The following FGF12 variants were observed in gnomAD, a reference collection of about 807,000 sequenced individuals.
FGF12 encodes fibroblast growth factor 12.
A neutral mutation model predicts 23.6 loss-of-function variants in FGF12; 14 were observed. The ratio of observed to expected loss-of-function variants is 0.59; its 90% CI spans 0.39 to 0.93. The LOEUF is 0.93. Among genes scored for constraint, FGF12 ranks in the 40% least tolerant of loss-of-function variants. FGF12 has a pLI of 0.00. For synonymous variants in FGF12, 62 were observed against 77.3 expected (o/e 0.80, Z 1.04); for missense variants, 175 against 217.8 (o/e 0.80, Z 1.24).
At chr3:192,435,508 C>G (rs1721995353) in intron 2 of FGF12, among the ~76,000 whole-genome samples, 1 of 152,156 alleles carries the variant, frequency 6.6e-6, no homozygotes, top group Admixed American at 6.5e-5. Flanking sequence ...AGTTGGCGAT[C>G]CATTTTGACC....
At position 192,408,530 on chromosome 3, in the gene FGF12, G is replaced by A. The variant is rs1721062505; in HGVS notation, c.14-47992C>T. 2.5e-6 allele frequency: 3 copies of A among 1,196,638 alleles called. No homozygotes were observed. Among genetic ancestry groups the A allele is most frequent in the African/African-American group, 3.2e-5 (2 of 63,268 alleles). The allele number at this position is 1,196,638 out of a possible 1,614,324, so 74.1% of individuals were successfully genotyped here. On this transcript the variant is annotated intron_variant, in intron 2 of 5. Coordinates refer to ENST00000445105, the MANE Select transcript of FGF12 (RefSeq NM_004113.6). This position sits in a 1 kb window ranked among gnomAD's most constrained non-coding sequence, Gnocchi z 7.3. ...TTTGCACCCCAAACTTGCACCCCAAGGCGATCGGCGTCCAAGGGGCAGTGG... is the reference window on the plus strand; with the variant it reads ...TTTGCACCCCAAACTTGCACCCCAAAGCGATCGGCGTCCAAGGGGCAGTGG...
intron 3 of FGF12, among the ~76,000 whole-genome samples, chr3:192,347,301 T>A (rs1441410895): frequency 1.3e-5 from 2 of 152,158 alleles, no homozygotes; most frequent in Non-Finnish European, 2.9e-5. Flanking sequence ...ATCACCATCA[T>A]CTGGAGCTTG....
At chr3:192,618,837 A>G (rs1283062004) in intron 2 of FGF12, among the ~76,000 whole-genome samples, 1 of 152,026 alleles carries the variant, frequency 6.6e-6, no homozygotes, top group Non-Finnish European at 1.5e-5. Flanking sequence ...GCCTTAAATT[A>G]GCAAACGTTC....
chr3:192,490,583 T>G (rs1723773323), intron 2 of FGF12, among the ~76,000 whole-genome samples: 1 of 151,946 alleles, frequency 6.6e-6, no homozygotes, highest in South Asian at 2.1e-4. Context: ...ATATATATAT[T>G]TACCAAAAAG....
intron 2 of FGF12, among the ~76,000 whole-genome samples, chr3:192,550,134 T>C (rs952502570): frequency 1.3e-5 from 2 of 151,590 alleles, no homozygotes; most frequent in African/African-American, 2.4e-5. Flanking sequence ...ATTACACATA[T>C]AGAAAAAAGG....
chr3:192,158,332 C>CTTTCGTTCTTTCTTTCT (rs1459698854), intron 5 of FGF12, among the ~76,000 whole-genome samples: 1 of 112,356 alleles, frequency 8.9e-6, no homozygotes, highest in Admixed American at 9.4e-5. Context: ...TTCTTTCTTT[C>CTTTCGTTCTTTCTTTCT]TCTTTCTTTC....
intron 4 of FGF12, among the ~76,000 whole-genome samples, chr3:192,332,031 A>G (rs1015204278): frequency 2.0e-5 from 3 of 152,160 alleles, no homozygotes; most frequent in African/African-American, 7.2e-5. Flanking sequence ...GTGAAATCAG[A>G]GACCAAATTT....
chr3:192,190,180 T>C (rs1388805956), intron 4 of FGF12, among the ~76,000 whole-genome samples: 1 of 152,144 alleles, frequency 6.6e-6, no homozygotes, highest in African/African-American at 2.4e-5. Flanking sequence ...TCAAACACAG[T>C]GGTCAAAGCT....
At chr3:192,457,630 G>A (rs1318167955) in intron 2 of FGF12, among the ~76,000 whole-genome samples, 1 of 152,206 alleles carries the variant, frequency 6.6e-6, no homozygotes, top group Non-Finnish European at 1.5e-5. Context: ...CGTTCAAAAG[G>A]TGACTTGGGC....
At chr3:192,499,236 T>C (rs948671802) in intron 2 of FGF12, among the ~76,000 whole-genome samples, 18 of 151,884 alleles carry the variant, frequency 1.2e-4, no homozygotes, top group Admixed American at 6.6e-5. Flanking sequence ...ACTTTACAGA[T>C]GAGAATTTTG....
At chr3:192,507,951 G>A (rs1052064791) in intron 2 of FGF12, among the ~76,000 whole-genome samples, 6 of 152,096 alleles carry the variant, frequency 3.9e-5, no homozygotes, top group African/African-American at 1.2e-4. Context: ...CCAACATGGC[G>A]ATTCACTGGT....
intron 4 of FGF12, among the ~76,000 whole-genome samples, chr3:192,328,037 T>C (rs1248025900): frequency 9.2e-5 from 14 of 152,232 alleles, no homozygotes; most frequent in Admixed American, 9.2e-4. Flanking sequence ...CACCCATAAA[T>C]TTCTTTTCTT....
chr3:192,191,645 C>A (rs1163314253), intron 4 of FGF12, among the ~76,000 whole-genome samples: 2 of 152,056 alleles, frequency 1.3e-5, no homozygotes, highest in East Asian at 1.9e-4. Context: ...ACCATCCTGG[C>A]CAACATGGTG....
intron 2 of FGF12, among the ~76,000 whole-genome samples, chr3:192,429,114 C>T (rs1350626134): frequency 1.3e-5 from 2 of 152,138 alleles, no homozygotes; most frequent in Non-Finnish European, 2.9e-5. Context: ...AAGAGTACTT[C>T]ACAAATTAAT....
At chr3:192,379,834 T>C (rs1330876181) in intron 2 of FGF12, among the ~76,000 whole-genome samples, 1 of 152,218 alleles carries the variant, frequency 6.6e-6, no homozygotes, top group Non-Finnish European at 1.5e-5. Flanking sequence ...ATTCACTCCA[T>C]TACTCAGCTT....
At position 192,381,884 on chromosome 3, in the gene FGF12, A is replaced by G. The variant is rs572333155; in HGVS notation, c.14-21346T>C. On this transcript the variant is annotated intron_variant, in intron 2 of 5. Transcript: ENST00000445105. Reference sequence around the variant, plus strand: ...GAGTTCAGATCATTCAGAATGTTACAGAGCAAGGCGGAAGAAGCAGTGTGA... The same window carrying G: ...GAGTTCAGATCATTCAGAATGTTACGGAGCAAGGCGGAAGAAGCAGTGTGA... 2.6e-5 allele frequency among the ~76,000 whole-genome samples: 4 copies of G among 152,330 alleles called. No individual in the cohort carries two copies. In the East Asian group the frequency reaches 7.7e-4, roughly 29 times the overall value.
chr3:192,643,309 T>G (rs1044335262), intron 2 of FGF12, among the ~76,000 whole-genome samples: 2 of 152,206 alleles, frequency 1.3e-5, no homozygotes, highest in Non-Finnish European at 2.9e-5. Flanking sequence ...TTTAAAAAAT[T>G]ATGATTGGAT....
chr3:192,229,272 T>C (rs2108582251), intron 4 of FGF12, among the ~76,000 whole-genome samples: 1 of 152,132 alleles, frequency 6.6e-6, no homozygotes, highest in Admixed American at 6.5e-5. Context: ...CAAGCCATAC[T>C]GGTAAAATGT....
At chr3:192,156,323 T>C (rs1463051014) in intron 5 of FGF12, among the ~76,000 whole-genome samples, 4 of 152,290 alleles carry the variant, frequency 2.6e-5, no homozygotes, top group East Asian at 3.9e-4. Context: ...TCCTCTAATT[T>C]AGACAATATG....
Sources: allele counts gnomAD v4.1 joint callset (sites outside exome capture counted in the v4.1 genomes callset), GRCh38; gene constraint gnomAD v4.1.1; non-coding constraint Gnocchi (gnomAD v3.1); transcripts MANE v1.5; gene names NCBI Gene and HGNC (gene_info 2026-07-23, HGNC 2026-07-21).